Variants in BAIAP2L1 observed in about 807,000 individuals in gnomAD.
BAIAP2L1 encodes the protein BAR/IMD domain containing adaptor protein 2 like 1, also known as BAR/IMD domain-containing adapter protein 2-like 1.
A neutral mutation model predicts 66.3 loss-of-function variants in BAIAP2L1; 35 were observed. The ratio of observed to expected loss-of-function variants is 0.53; its 90% CI spans 0.40 to 0.70. The LOEUF is 0.70. Among genes scored for constraint, BAIAP2L1 ranks in the 30% least tolerant of loss-of-function variants. BAIAP2L1 has a pLI of 0.00. For synonymous variants in BAIAP2L1, 269 were observed against 248.7 expected, an observed-to-expected ratio of 1.08 and a Z score of -0.77; for missense variants, 622 against 656.9, an observed-to-expected ratio of 0.95 and a Z score of 0.58.
At chr7:98,349,873 A>G (rs969823969) in intron 3 of BAIAP2L1, among the ~76,000 whole-genome samples, 6 of 152,122 alleles carry the variant, frequency 3.9e-5, no homozygotes, top group African/African-American at 1.4e-4. Context: ...CCTGACCAAC[A>G]TGGAGAAACC....
chr7:98,315,440 C>T lies in BAIAP2L1; in HGVS notation c.639+20G>A. 1 of 1,390,680 alleles carries T rather than the reference C, an allele frequency of 7.2e-7. No individual in the cohort carries two copies. Among genetic ancestry groups the T allele is most frequent in the Non-Finnish European group, 9.4e-7 (1 of 1,059,666 alleles). The allele number at this position is 1,390,680 out of a possible 1,614,324, so 86.1% of individuals were successfully genotyped here. ...AATAAAGTTATTAATACGCTCAAGG[C>T]AATTTGCCACCACACCCACCTGTAA... On this transcript the variant is annotated intron_variant, in intron 7 of 13. Transcript: ENST00000005260.
intron 3 of BAIAP2L1, among the ~76,000 whole-genome samples, chr7:98,333,550 G>A (rs990723303): frequency 5.3e-5 from 8 of 151,950 alleles, no homozygotes; most frequent in Admixed American, 1.3e-4. Flanking sequence ...AGTGAGCTGA[G>A]GTCATGGCAC....
At chr7:98,341,489 C>T (rs183134640) in intron 3 of BAIAP2L1, among the ~76,000 whole-genome samples, 1 of 152,118 alleles carries the variant, frequency 6.6e-6, no homozygotes, top group Admixed American at 6.6e-5. Context: ...TCGAGACCAG[C>T]CTGGGCAACA....
At chr7:98,302,421 G>A (rs1237044398) in intron 12 of BAIAP2L1, among the ~76,000 whole-genome samples, 1 of 152,168 alleles carries the variant, frequency 6.6e-6, no homozygotes, top group Non-Finnish European at 1.5e-5. Context: ...CAGGCTAGGC[G>A]AACATCAACA....
chr7:98,345,283 G>C, intron 3 of BAIAP2L1, among the ~76,000 whole-genome samples: 1 of 152,170 alleles, frequency 6.6e-6, no homozygotes, highest in South Asian at 2.1e-4. Flanking sequence ...AGCAGAATTT[G>C]ACTCTCAAGA....
At chr7:98,306,085 A>G (rs1584431965) in intron 11 of BAIAP2L1, among the ~76,000 whole-genome samples, 1 of 152,298 alleles carries the variant, frequency 6.6e-6, no homozygotes, top group East Asian at 1.9e-4. Context: ...GAAAAAGCAT[A>G]CAACAGCGTT....
At chr7:98,317,070 C>T in intron 6 of BAIAP2L1, 149 bp downstream of exon 6, 2 of 962,416 alleles carry the variant, frequency 2.1e-6, no homozygotes, top group Admixed American at 2.3e-5. Context: ...CCAGGCTGGT[C>T]TCGAACTCCT....
At position 98,389,918 on chromosome 7, in the gene BAIAP2L1, A is replaced by ATTTTTTT. The variant is rs750099451; in HGVS notation, c.51+10877_51+10883dup. On this transcript the variant is annotated intron_variant, in intron 1 of 13. Transcript: ENST00000005260. ...TGCACGTGTAGTCTTGGGTTAGTAA[A>ATTTTTTT]TTTTTTTTTTTTTTTGAGAGGTAGT... 4.0e-3 allele frequency among the ~76,000 whole-genome samples: 518 copies of ATTTTTTT among 129,760 alleles called. 11 individuals carry two copies. Among genetic ancestry groups the ATTTTTTT allele is most frequent in the African/African-American group, 0.013 (491 of 36,920 alleles). 85.1% of individuals were successfully genotyped at this position (129,760 alleles called of 152,430 possible).
chr7:98,308,062 G>C, intron 9 of BAIAP2L1, 166 bp from the exon 10 acceptor site: 1 of 738,858 alleles, frequency 1.4e-6, no homozygotes, highest in Non-Finnish European at 2.4e-6. Flanking sequence ...TGCCCAGAAG[G>C]AACAGGGACT....
At chr7:98,398,886 G>A (rs1411248300) in intron 1 of BAIAP2L1, among the ~76,000 whole-genome samples, 1 of 152,186 alleles carries the variant, frequency 6.6e-6, no homozygotes, top group Non-Finnish European at 1.5e-5. Context: ...GCTGTTCTTG[G>A]AAGAAGGGCG....
intron 1 of BAIAP2L1, 38 bp from the exon 2 acceptor site, chr7:98,362,470 A>T (rs761917564): frequency 1.3e-6 from 2 of 1,559,540 alleles, no homozygotes; most frequent in South Asian, 1.2e-5. Flanking sequence ...AATAAAATAA[A>T]AAATAAACCA....
At chr7:98,345,993 G>C (rs989667629) in intron 3 of BAIAP2L1, among the ~76,000 whole-genome samples, 6 of 152,100 alleles carry the variant, frequency 3.9e-5, no homozygotes, top group Non-Finnish European at 7.4e-5. Flanking sequence ...GAGTTAAATG[G>C]GAAGCAACTG....
At chr7:98,335,017 G>A (rs1302491568) in intron 3 of BAIAP2L1, among the ~76,000 whole-genome samples, 1 of 150,602 alleles carries the variant, frequency 6.6e-6, no homozygotes, top group Non-Finnish European at 1.5e-5. Context: ...GCCGGGCGTG[G>A]TGGCGGGTGC....
In BAIAP2L1 at chr7:98,312,214, A is replaced by G. The variant is rs565168959; in HGVS notation, c.690T>C (p.Val230=). ...TTTTCTCTGGCACTTTGATGGCATC[A>G]ACACAGGTCTCCTGCCACCGAGGCA... ...SKLPRWQETC[V]DAIKVPEKIM... The change falls in exon 8 of 14, where the codon GTT becomes GTC. Residue 230 remains valine (V), a synonymous_variant. Transcript: ENST00000005260. 6.2e-7 allele frequency: 1 copy of G among 1,614,118 alleles called. No homozygotes were observed. Among genetic ancestry groups the G allele is most frequent in the South Asian group, 1.1e-5 (1 of 91,076 alleles).
intron 3 of BAIAP2L1, among the ~76,000 whole-genome samples, chr7:98,339,299 T>C (rs1801684475): frequency 6.6e-6 from 1 of 152,190 alleles, no homozygotes; most frequent in South Asian, 2.1e-4. Flanking sequence ...ACTTTTTAAT[T>C]GTGGCCACTC....
chr7:98,310,497 A>G lies in BAIAP2L1; in HGVS notation c.903T>C (p.Phe301=). The change falls in exon 9 of 14, where the codon TTT becomes TTC. Residue 301 remains phenylalanine (F), a synonymous_variant. Transcript: ENST00000005260. ...TCGGGGCAGCCGTGGCTGGGTTATT[A>G]AACATATCGATCAAGGGACTGGTAT... ...RAYTSPLIDM[F]NNPATAAPNS... is the part of the protein sequence containing the mutation. 2 of 1,607,504 alleles carry G rather than the reference A, an allele frequency of 1.2e-6. No individual in the cohort carries two copies. The highest frequency in any genetic ancestry group is 4.5e-5 in the East Asian group (2 of 44,654).
chr7:98,336,543 A>G (rs1359846333), intron 3 of BAIAP2L1, among the ~76,000 whole-genome samples: 1 of 152,144 alleles, frequency 6.6e-6, no homozygotes, highest in African/African-American at 2.4e-5. Flanking sequence ...CTGAACCCAG[A>G]AGGCAGAGCT....
chr7:98,335,740 G>A (rs1253309490), intron 3 of BAIAP2L1, among the ~76,000 whole-genome samples: 1 of 152,236 alleles, frequency 6.6e-6, no homozygotes, highest in Non-Finnish European at 1.5e-5. Flanking sequence ...CAGCTCCCCC[G>A]CTGGGACTCC....
intron 1 of BAIAP2L1, among the ~76,000 whole-genome samples, chr7:98,373,741 A>G (rs1356291469): frequency 1.3e-5 from 2 of 152,160 alleles, no homozygotes; most frequent in Non-Finnish European, 2.9e-5. Context: ...TTCTAAGAGA[A>G]AAGCTCTAAA....
Sources: gnomAD v4.1 joint callset for allele counts (sites outside exome capture counted in the v4.1 genomes callset) on GRCh38, gnomAD v4.1.1 for gene constraint, MANE v1.5 for transcripts, NCBI Gene and HGNC (gene_info 2026-07-23, HGNC 2026-07-21) for gene names.